SLC25A35: variants seen among roughly 807,000 people sequenced by gnomAD.
SLC25A35 encodes the protein solute carrier family 25, member 35.
A neutral mutation model predicts 30.5 loss-of-function variants in SLC25A35; 32 were observed. The ratio of observed to expected loss-of-function variants is 1.05; its 90% CI spans 0.79 to 1.41. The LOEUF (loss-of-function observed/expected upper bound fraction) is 1.41. Among genes scored for constraint, SLC25A35 ranks in the 40% most tolerant of loss-of-function variants. The pLI is 0.00. For synonymous variants in SLC25A35, 142 were observed against 158.1 expected, an observed-to-expected ratio of 0.90 and a Z score of 0.77; for missense variants, 369 against 388.0, an observed-to-expected ratio of 0.95 and a Z score of 0.41.
intron 1 of SLC25A35, among the ~76,000 whole-genome samples, chr17:8,293,697 G>A (rs1487123105): frequency 6.6e-6 from 1 of 150,628 alleles, no homozygotes; most frequent in African/African-American, 2.4e-5. Flanking sequence ...GACTACAGGC[G>A]CCCACCACCA....
rs1193230361 is a variant in SLC25A35, at chr17:8,294,743, A to T, written c.65T>A (p.Val22Glu). 1 of 1,613,582 alleles carries T rather than the reference A, an allele frequency of 6.2e-7. No homozygotes were observed. Among genetic ancestry groups the T allele is most frequent in the African/African-American group, 1.3e-5 (1 of 74,886 alleles). The change falls in exon 1 of 5, where the codon GTG (valine) becomes GAG (glutamate). Residue 22 changes from valine to glutamate, a missense_variant. Transcript: ENST00000577745. ...TTGCAACTGCATCCTGGTCTTCACCACCTCCAGGGGATTGGTGAATACACA... is the reference window on the plus strand; with the variant it reads ...TTGCAACTGCATCCTGGTCTTCACCTCCTCCAGGGGATTGGTGAATACACA... ...GACVFTNPLE[V>E]VKTRMQLQGE...
At position 8,290,346 on chromosome 17, in the gene SLC25A35, T is replaced by C. The variant is rs937026587; in HGVS notation, c.*159A>G. ...CACCCAAGGAAAGAAGGGAAACTCA[T>C]CTCTTGTAGTGATTCAACCCTGAGA... On this transcript the variant is annotated 3_prime_UTR_variant, in exon 5 of 5. Coordinates refer to ENST00000577745, the MANE Select transcript of SLC25A35 (RefSeq NM_001320870.2). 9.1e-6 allele frequency: 13 copies of C among 1,435,210 alleles called. No individual in the cohort carries two copies. The Admixed American group carries it at 1.1e-4, about 12-fold the overall frequency. 88.9% of individuals were successfully genotyped at this position (1,435,210 alleles called of 1,614,324 possible). A position where few individuals can be genotyped will look rare whatever the true frequency, so the allele number is the denominator to read the frequency against.
rs968284585 is a variant in SLC25A35 at position 8,290,209 on chromosome 17, G to T, written c.*296C>A. ...TAAAACTGTGCATGGGAGCAGGAGG[G>T]ACTCAAGGGTGGCAGTGGTGAGTGG... On this transcript the variant is annotated 3_prime_UTR_variant, in exon 5 of 5. Coordinates refer to ENST00000577745, the MANE Select transcript of SLC25A35 (RefSeq NM_001320870.2). The T allele has an allele frequency of 9.8e-6, 14 of 1,426,632 alleles. No individual in the cohort carries two copies. Among genetic ancestry groups the T allele is most frequent in the Admixed American group, 2.9e-5 (1 of 34,602 alleles). 88.4% of individuals were successfully genotyped at this position (1,426,632 alleles called of 1,614,324 possible).
In SLC25A35 at chr17:8,290,510, T is replaced by G; in HGVS notation, c.898A>C (p.Lys300Gln). Reference protein sequence around the residue: ...QLRSLYYTDTK With the variant: ...QLRSLYYTDTQ The stretch of plus-strand genomic sequence containing the variant: ...GGAGACTGGGAAAGCGGCTGTTATT[T>G]AGTGTCTGTGTAGTAGAGGGAGCGC... Residue 300 changes from lysine (K) to glutamine (Q), a missense_variant, in exon 5 of 5, where the codon AAA (lysine) becomes CAA (glutamine). Transcript: ENST00000577745. 6.5e-7 allele frequency: 1 copy of G among 1,535,806 alleles called. No individual in the cohort carries two copies. Among genetic ancestry groups the G allele is most frequent in the Non-Finnish European group, 8.7e-7 (1 of 1,146,754 alleles).
At chr17:8,289,883 C>T (rs1020655405), downstream of SLC25A35, 1 of 1,614,148 alleles carries the variant, frequency 6.2e-7, no homozygotes, top group Non-Finnish European at 8.5e-7. Context: ...TGACTTTGAA[C>T]AGCTGGTGAC....
chr17:8,290,211 C>A lies in SLC25A35; in HGVS notation c.*294G>T. The A allele has an allele frequency of 1.4e-6, 2 of 1,426,372 alleles. No individual in the cohort carries two copies. The highest frequency in any genetic ancestry group is 1.8e-6 in the Non-Finnish European group (2 of 1,095,566). The allele number at this position is 1,426,372 out of a possible 1,614,324, so 88.4% of individuals were successfully genotyped here. ...AAACTGTGCATGGGAGCAGGAGGGACTCAAGGGTGGCAGTGGTGAGTGGGA... is the reference window on the plus strand; with the variant it reads ...AAACTGTGCATGGGAGCAGGAGGGAATCAAGGGTGGCAGTGGTGAGTGGGA... On this transcript the variant is annotated 3_prime_UTR_variant, in exon 5 of 5. Coordinates refer to ENST00000577745, the MANE Select transcript of SLC25A35 (RefSeq NM_001320870.2).
intron 2 of SLC25A35, among the ~76,000 whole-genome samples, chr17:8,292,214 TG>T (rs1319640511): frequency 6.7e-6 from 1 of 149,980 alleles, no homozygotes; most frequent in African/African-American, 2.5e-5. Context: ...AAAATTTAGC[TG>T]GGTGTGGTGG....
At chr17:8,293,907 C>A (rs1164286117) in intron 1 of SLC25A35, among the ~76,000 whole-genome samples, 1 of 124,312 alleles carries the variant, frequency 8.0e-6, no homozygotes, top group Non-Finnish European at 1.7e-5. Flanking sequence ...GATTCCAAAG[C>A]CCATAATCTT....
In SLC25A35 at chr17:8,291,578, C is replaced by G. The variant is rs1295587473; in HGVS notation, c.442-93G>C. On this transcript the variant is annotated intron_variant, in intron 2 of 4. Coordinates refer to ENST00000577745, the MANE Select transcript of SLC25A35 (RefSeq NM_001320870.2). ...CCAAGGATGGGTCCTTAATAGGAAT[C>G]TCTTGTCCAGACAACCAGTTCAATG... 94 of 1,457,938 alleles carry G rather than the reference C, an allele frequency of 6.4e-5. 1 individual carries two copies. In the Admixed American group the frequency reaches 2.2e-3, roughly 34 times the overall value. The allele number at this position is 1,457,938 out of a possible 1,614,324, so 90.3% of individuals were successfully genotyped here.
downstream of SLC25A35, chr17:8,289,068 G>A (rs781629730): frequency 3.7e-6 from 6 of 1,613,358 alleles, no homozygotes; most frequent in Non-Finnish European, 5.1e-6. Context: ...CGAAGCGGCT[G>A]CGCGGTGAGG....
intron 1 of SLC25A35, among the ~76,000 whole-genome samples, chr17:8,293,931 T>TTTTTTTTG (rs1491485762): frequency 1.6e-5 from 2 of 126,832 alleles, no homozygotes; most frequent in African/African-American, 6.0e-5. Flanking sequence ...TTTTTTTTTT[T>TTTTTTTTG]GTGAGACGTA....
chr17:8,291,308 GACCC>G, intron 3 of SLC25A35, 21 bp downstream of exon 3: 1 of 1,612,756 alleles, frequency 6.2e-7, no homozygotes, highest in Non-Finnish European at 8.5e-7. Flanking sequence ...TCCCGAAACA[GACCC>G]ACCCATTTCC....
chr17:8,293,284 C>T (rs1990628579), intron 1 of SLC25A35, among the ~76,000 whole-genome samples: 1 of 152,112 alleles, frequency 6.6e-6, no homozygotes, highest in Non-Finnish European at 1.5e-5. Context: ...TCTGTGATGC[C>T]CAGGGCCTTC....
chr17:8,290,370 G>A lies in SLC25A35; in HGVS notation c.*135C>T. 1 of 1,452,420 alleles carries A rather than the reference G, an allele frequency of 6.9e-7. No individual in the cohort carries two copies. Among genetic ancestry groups the A allele is most frequent in the Non-Finnish European group, 9.0e-7 (1 of 1,106,838 alleles). The allele number at this position is 1,452,420 out of a possible 1,614,324, so 90.0% of individuals were successfully genotyped here. The stretch of plus-strand genomic sequence containing the variant: ...ATCTCTTGTAGTGATTCAACCCTGA[G>A]AACAGATGGGGAGTGGGGTTGGCTG... On this transcript the variant is annotated 3_prime_UTR_variant, in exon 5 of 5. Transcript: ENST00000577745.
chr17:8,293,774 A>G (rs2151621467), intron 1 of SLC25A35, among the ~76,000 whole-genome samples: 1 of 150,296 alleles, frequency 6.7e-6, no homozygotes, highest in East Asian at 2.0e-4. Context: ...GATGGTCTCC[A>G]TCTCCTGACC....
At position 8,295,236 on chromosome 17, in the gene SLC25A35, A is replaced by C; in HGVS notation, c.-429T>G. 1 of 991,792 alleles carries C rather than the reference A, an allele frequency of 1.0e-6. No homozygotes were observed. Among genetic ancestry groups the C allele is most frequent in the Non-Finnish European group, 1.2e-6 (1 of 834,340 alleles). 61.4% of individuals were successfully genotyped at this position (991,792 alleles called of 1,614,324 possible). A position where few individuals can be genotyped will look rare whatever the true frequency, so the allele number is the denominator to read the frequency against. ...AGAGAAGAAAAGGATCCGGGAGAAGAGCCGGTGATTTCCTCGAGCCAGCAA... is the reference window on the plus strand; with the variant it reads ...AGAGAAGAAAAGGATCCGGGAGAAGCGCCGGTGATTTCCTCGAGCCAGCAA... On this transcript the variant is annotated 5_prime_UTR_variant, in exon 1 of 5. Transcript: ENST00000577745.
At chr17:8,290,001 A>G, downstream of SLC25A35, 1 of 1,609,320 alleles carries the variant, frequency 6.2e-7, no homozygotes, top group South Asian at 1.1e-5. Flanking sequence ...GGGGGAAAAG[A>G]GGTTGAAAAG....
downstream of SLC25A35, chr17:8,288,801 A>G: frequency 6.2e-7 from 1 of 1,614,098 alleles, no homozygotes; most frequent in Non-Finnish European, 8.5e-7. Context: ...GGAGCCCACG[A>G]GAGACTGCCC....
In SLC25A35 at chr17:8,294,478, G is replaced by A; in HGVS notation, c.330C>T (p.Ala110=). Residue 110 remains alanine (A), a synonymous_variant, in exon 1 of 5, where the codon GCC becomes GCT. Coordinates refer to ENST00000577745, the MANE Select transcript of SLC25A35 (RefSeq NM_001320870.2). ...AGTAGGCTCCCATGACCCCAGCCATGGCCCCAGCTGCTGCGCTGCGGGCAG... is the reference window on the plus strand; with the variant it reads ...AGTAGGCTCCCATGACCCCAGCCATAGCCCCAGCTGCTGCGCTGCGGGCAG... ...HSPARSAAAG[A]MAGVMGAYLG... The A allele has an allele frequency of 6.2e-7, 1 of 1,607,520 alleles. No homozygotes were observed. The highest frequency in any genetic ancestry group is 1.1e-5 in the South Asian group (1 of 90,730).
Sources: allele counts gnomAD v4.1 joint callset (sites outside exome capture counted in the v4.1 genomes callset), GRCh38; gene constraint gnomAD v4.1.1; transcripts MANE v1.5; gene names NCBI Gene and HGNC (gene_info 2026-07-23, HGNC 2026-07-21).